LDLRAD3: variants seen among roughly 807,000 people sequenced by gnomAD.
LDLRAD3 encodes the protein low density lipoprotein receptor class A domain containing 3, also known as low-density lipoprotein receptor class A domain-containing protein 3.
A neutral mutation model predicts 29.4 loss-of-function variants in LDLRAD3; 20 were observed. The ratio of observed to expected loss-of-function variants is 0.68; its 90% CI spans 0.48 to 0.99. LDLRAD3 has a LOEUF of 0.99. Ranked by LOEUF, LDLRAD3 falls within the 50% of genes least tolerant of loss-of-function variation. LDLRAD3 has a pLI of 0.00. For missense variants in LDLRAD3, 420 were observed against 454.3 expected, an observed-to-expected ratio of 0.92 and a Z score of 0.69; for synonymous variants, 157 against 192.7, an observed-to-expected ratio of 0.81 and a Z score of 1.53.
intron 4 of LDLRAD3, among the ~76,000 whole-genome samples, chr11:36,103,271 C>G (rs1318433341): frequency 1.5e-5 from 2 of 135,590 alleles, no homozygotes; most frequent in East Asian, 4.3e-4. Flanking sequence ...GAGTCTCGCT[C>G]TGTCACCCAG....
At chr11:36,190,686 A>G (rs888162029) in intron 4 of LDLRAD3, among the ~76,000 whole-genome samples, 24 of 152,182 alleles carry the variant, frequency 1.6e-4, no homozygotes, top group African/African-American at 5.3e-4. Flanking sequence ...TGCTCCCTGA[A>G]CCAAAGAACA....
chr11:36,079,812 C>A (rs997124903), intron 2 of LDLRAD3, among the ~76,000 whole-genome samples: 2 of 152,176 alleles, frequency 1.3e-5, no homozygotes, highest in South Asian at 4.1e-4. Flanking sequence ...AACAATTGTT[C>A]TCCCCGACTT....
chr11:36,146,978 CAG>C (rs1209183243), intron 4 of LDLRAD3, among the ~76,000 whole-genome samples: 1 of 151,530 alleles, frequency 6.6e-6, no homozygotes. Flanking sequence ...TTAGTAGAGA[CAG>C]GGTTTCACCG....
chr11:36,115,285 C>T (rs1853659329), intron 4 of LDLRAD3, among the ~76,000 whole-genome samples: 1 of 152,182 alleles, frequency 6.6e-6, no homozygotes, highest in Non-Finnish European at 1.5e-5. Flanking sequence ...ACCATAGAAA[C>T]TGTGAGAGAT....
chr11:36,038,500 G>C (rs760236552), intron 2 of LDLRAD3, among the ~76,000 whole-genome samples: 1 of 152,198 alleles, frequency 6.6e-6, no homozygotes, highest in African/African-American at 2.4e-5. Flanking sequence ...TTAAGGAGTT[G>C]ATTCCTAAAT....
chr11:35,971,939 A>C (rs1851417586), intron 1 of LDLRAD3, among the ~76,000 whole-genome samples: 1 of 152,098 alleles, frequency 6.6e-6, no homozygotes, highest in African/African-American at 2.4e-5. Flanking sequence ...TTCTATCTGA[A>C]TGGATGGTGG....
chr11:35,960,176 G>A (rs1851258261), intron 1 of LDLRAD3, among the ~76,000 whole-genome samples: 2 of 152,094 alleles, frequency 1.3e-5, no homozygotes, highest in South Asian at 2.1e-4. Flanking sequence ...TTATAATTTT[G>A]AGTTCCATCC....
intron 2 of LDLRAD3, among the ~76,000 whole-genome samples, chr11:36,044,764 T>G (rs560059109): frequency 6.6e-6 from 1 of 152,368 alleles, no homozygotes; most frequent in African/African-American, 2.4e-5. Context: ...CTCTTGAGGT[T>G]GCAGGGAAGG....
intron 4 of LDLRAD3, among the ~76,000 whole-genome samples, chr11:36,171,680 T>C (rs2133348650): frequency 6.6e-6 from 1 of 152,358 alleles, no homozygotes; most frequent in Middle Eastern, 3.4e-3. Flanking sequence ...CATTGGTCTA[T>C]GTGCCTGTTT....
At chr11:36,133,354 CTTTCTTTTCTTTTCTTTTCT>C (rs72293435) in intron 4 of LDLRAD3, among the ~76,000 whole-genome samples, 2,302 of 130,514 alleles carry the variant, frequency 0.018, 59 homozygotes, top group African/African-American at 0.059. Context: ...TTTTCTTTTC[CTTTCTTTTCTTTTCTTTTCT>C]TTTCTTTTCT....
chr11:35,950,738 C>G (rs1391197418), intron 1 of LDLRAD3, among the ~76,000 whole-genome samples: 2 of 152,116 alleles, frequency 1.3e-5, no homozygotes, highest in Non-Finnish European at 2.9e-5. Context: ...GTGGCAAGCA[C>G]TGTACGTGTC....
chr11:36,130,242 A>C lies in LDLRAD3; in HGVS notation c.454+31781A>C, dbSNP rs371717314. Among the ~76,000 whole-genome samples the C allele has an allele frequency of 3.4e-3, 513 of 152,280 alleles. 2 individuals carry two copies. The highest frequency in any genetic ancestry group is 0.012 in the African/African-American group (483 of 41,576). ...GAAGGGGCATTTGGCTGAGACCTGA[A>C]GGGTGATAAGACCCTGAAGAGAAGA... On this transcript the variant is annotated intron_variant, in intron 4 of 5. Transcript: ENST00000315571.
chr11:36,184,929 G>C (rs779045893), intron 4 of LDLRAD3, among the ~76,000 whole-genome samples: 1 of 152,132 alleles, frequency 6.6e-6, no homozygotes, highest in East Asian at 1.9e-4. Context: ...ACTCAAGTTG[G>C]TCTAGCTCAC....
At chr11:36,104,379 A>G (rs1194346609) in intron 4 of LDLRAD3, among the ~76,000 whole-genome samples, 1 of 152,160 alleles carries the variant, frequency 6.6e-6, no homozygotes, top group Non-Finnish European at 1.5e-5. Context: ...GACCCATAGA[A>G]ACTGTGAGAT....
intron 4 of LDLRAD3, among the ~76,000 whole-genome samples, chr11:36,162,931 G>A (rs1854463983): frequency 6.6e-6 from 1 of 152,170 alleles, no homozygotes; most frequent in East Asian, 1.9e-4. Context: ...TATCCACAAG[G>A]GCTCAGCAGC....
At chr11:36,191,071 G>T (rs1854933781) in intron 4 of LDLRAD3, among the ~76,000 whole-genome samples, 2 of 152,130 alleles carry the variant, frequency 1.3e-5, no homozygotes. Context: ...CCAAGAAAAA[G>T]AAAGACACAG....
rs746553721 is a variant in LDLRAD3 at position 35,944,529 on chromosome 11, G to C, written c.46+385G>C. On this transcript the variant is annotated intron_variant, in intron 1 of 5. Transcript: ENST00000315571. This position sits in a 1 kb window ranked among gnomAD's most constrained non-coding sequence, Gnocchi z 4.9. ...GAGGAGAGGAGAGAACTCTTCCCTG[G>C]TCTCATCTTCCCAGACGCCTGGTCG... Among the ~76,000 whole-genome samples, 16 of 152,110 alleles carry C rather than the reference G, an allele frequency of 1.1e-4. No homozygotes were observed. The highest frequency in any genetic ancestry group is 2.2e-4 in the Non-Finnish European group (15 of 68,018).
chr11:35,999,628 A>C (rs932534533), intron 1 of LDLRAD3, among the ~76,000 whole-genome samples: 1 of 152,168 alleles, frequency 6.6e-6, no homozygotes. Flanking sequence ...ACGCTCTTCC[A>C]TTCAGCTCCT....
intron 1 of LDLRAD3, among the ~76,000 whole-genome samples, chr11:35,979,082 T>G (rs1851508800): frequency 6.6e-6 from 1 of 152,204 alleles, no homozygotes. Flanking sequence ...CTGAGGTGTC[T>G]GCCTAGAGTG....
Sources: gnomAD v4.1 joint callset for allele counts (sites outside exome capture counted in the v4.1 genomes callset) on GRCh38, gnomAD v4.1.1 for gene constraint, Gnocchi (gnomAD v3.1) non-coding constraint, MANE v1.5 for transcripts, NCBI Gene and HGNC (gene_info 2026-07-23, HGNC 2026-07-21) for gene names.